NALCN: variants seen among roughly 807,000 people sequenced by gnomAD.
NALCN encodes sodium leak channel, non-selective.
A neutral mutation model predicts 225.3 loss-of-function variants in NALCN; 111 were observed. That is an observed-to-expected ratio of 0.49 (90% CI 0.42 to 0.58). The LOEUF (loss-of-function observed/expected upper bound fraction) is 0.58. Ranked by LOEUF, NALCN falls within the 20% of genes least tolerant of loss-of-function variation. The pLI is 0.00. For synonymous variants in NALCN, 764 were observed against 769.0 expected, an observed-to-expected ratio of 0.99 and a Z score of 0.11; for missense variants, 1,378 against 2,202.4, an observed-to-expected ratio of 0.63 and a Z score of 7.49.
chr13:101,350,945 C>T (rs981192635), intron 6 of NALCN, among the ~76,000 whole-genome samples: 1 of 152,140 alleles, frequency 6.6e-6, no homozygotes, highest in Non-Finnish European at 1.5e-5. Context: ...GAGCCAATTC[C>T]TTAAAGTAAA....
chr13:101,155,798 T>G (rs1224659506), intron 15 of NALCN, among the ~76,000 whole-genome samples: 3 of 152,212 alleles, frequency 2.0e-5, no homozygotes, highest in Non-Finnish European at 4.4e-5. Flanking sequence ...GAGGACACTT[T>G]GAGGCCATGC....
At chr13:101,107,853 A>G (rs1215928604) in intron 20 of NALCN, 64 bp from the exon 21 acceptor site, 1 of 1,362,870 alleles carries the variant, frequency 7.3e-7, no homozygotes, top group Non-Finnish European at 9.9e-7. Context: ...ATATATTATC[A>G]GTTAAAAAAC....
chr13:101,414,377 T>C lies in NALCN; in HGVS notation c.-40+1936A>G, dbSNP rs538130268. 2.0e-4 allele frequency among the ~76,000 whole-genome samples: 31 copies of C among 152,348 alleles called. No homozygotes were observed. The South Asian group carries it at 3.1e-3, about 15-fold the overall frequency. On this transcript the variant is annotated intron_variant, in intron 1 of 43. Coordinates refer to ENST00000251127, the MANE Select transcript of NALCN (RefSeq NM_052867.4). ...CCAGTGCTTAGCTTATCTTAGGATA[T>C]AGAGGTGTAGATGTGAATTTTCATT...
intron 7 of NALCN, among the ~76,000 whole-genome samples, chr13:101,337,698 C>T (rs1234987059): frequency 6.6e-6 from 1 of 152,186 alleles, no homozygotes; most frequent in Admixed American, 6.5e-5. Context: ...TGGCAGGTCA[C>T]TCTTTTGGAA....
chr13:101,412,318 C>T (rs1169330331), intron 1 of NALCN, among the ~76,000 whole-genome samples: 1 of 152,182 alleles, frequency 6.6e-6, no homozygotes, highest in Non-Finnish European at 1.5e-5. Context: ...TCTCTCCAAA[C>T]AACATCCTCT....
intron 11 of NALCN, among the ~76,000 whole-genome samples, chr13:101,238,149 ATGTT>A (rs959109858): frequency 1.2e-4 from 19 of 152,052 alleles, no homozygotes; most frequent in African/African-American, 3.8e-4. Context: ...ATGATTTTGA[ATGTT>A]TGTGAGTGGC....
chr13:101,211,637 C>A (rs1256451106), intron 13 of NALCN, among the ~76,000 whole-genome samples: 1 of 132,240 alleles, frequency 7.6e-6, no homozygotes, highest in Non-Finnish European at 1.6e-5. Context: ...GGGGGGGAGA[C>A]AATGACAATA....
intron 13 of NALCN, among the ~76,000 whole-genome samples, chr13:101,198,985 T>C (rs1337361446): frequency 2.0e-5 from 3 of 152,066 alleles, no homozygotes; most frequent in Non-Finnish European, 4.4e-5. Context: ...TTCATGTCCC[T>C]TGTAGGGACA....
chr13:101,303,634 G>A (rs557896665), intron 7 of NALCN, among the ~76,000 whole-genome samples: 1 of 152,258 alleles, frequency 6.6e-6, no homozygotes, highest in African/African-American at 2.4e-5. Context: ...TATGGTTCAA[G>A]TACCCATTAC....
chr13:101,083,931 TG>T, intron 30 of NALCN, 127 bp from the exon 31 acceptor site: 1 of 761,382 alleles, frequency 1.3e-6, no homozygotes, highest in South Asian at 2.7e-5. Flanking sequence ...CTTCCAACCG[TG>T]GTGGTGAGAG....
Position 101,256,765 on chromosome 13 carries a change from C to CTTT in NALCN, c.1266+1675_1266+1677dup, listed in dbSNP as rs59036479. ...TAGTATCAGTCTAGGCTTCTTTCTG[C>CTTT]TTTTTTTTTTTTTTTTGAGATGGAG... On this transcript the variant is annotated intron_variant, in intron 11 of 43. Coordinates refer to ENST00000251127, the MANE Select transcript of NALCN (RefSeq NM_052867.4). Among the ~76,000 whole-genome samples the CTTT allele has an allele frequency of 6.1e-3, 814 of 133,478 alleles. 13 individuals are homozygous for CTTT. The highest frequency in any genetic ancestry group is 0.02 in the African/African-American group (708 of 35,814). The allele number at this position is 133,478 out of a possible 152,430, so 87.6% of individuals were successfully genotyped here.
chr13:101,247,328 T>A (rs1458706122), intron 11 of NALCN, among the ~76,000 whole-genome samples: 6 of 152,162 alleles, frequency 3.9e-5, no homozygotes, highest in Non-Finnish European at 5.9e-5. Context: ...TGACAAGAAC[T>A]GTGATATCAC....
intron 6 of NALCN, among the ~76,000 whole-genome samples, chr13:101,367,097 C>A (rs1443209843): frequency 6.6e-6 from 1 of 151,924 alleles, no homozygotes; most frequent in Non-Finnish European, 1.5e-5. Flanking sequence ...TCCTGTTATT[C>A]CAAATGACAG....
At chr13:101,309,637 T>G (rs550697445) in intron 7 of NALCN, among the ~76,000 whole-genome samples, 1 of 152,340 alleles carries the variant, frequency 6.6e-6, no homozygotes, top group South Asian at 2.1e-4. Flanking sequence ...ATTCACATCA[T>G]GTAACCAAGC....
chr13:101,311,830 T>C (rs1393482937), intron 7 of NALCN, among the ~76,000 whole-genome samples: 2 of 152,058 alleles, frequency 1.3e-5, no homozygotes, highest in Non-Finnish European at 2.9e-5. Flanking sequence ...TCTTTTTTGG[T>C]TGTGTCTCTG....
intron 7 of NALCN, among the ~76,000 whole-genome samples, chr13:101,341,147 T>C (rs2045546194): frequency 6.6e-6 from 1 of 152,218 alleles, no homozygotes; most frequent in African/African-American, 2.4e-5. Flanking sequence ...CATTGTATTT[T>C]GTAAATCCTA....
At chr13:101,341,935 C>T (rs762512645) in intron 7 of NALCN, among the ~76,000 whole-genome samples, 6 of 152,206 alleles carry the variant, frequency 3.9e-5, no homozygotes, top group Non-Finnish European at 8.8e-5. Flanking sequence ...GCTTCTACTA[C>T]GTGAGGACAC....
At chr13:101,387,249 A>C (rs1566640786) in intron 3 of NALCN, among the ~76,000 whole-genome samples, 2 of 150,794 alleles carry the variant, frequency 1.3e-5, no homozygotes, top group Non-Finnish European at 1.5e-5. Flanking sequence ...AAAAAAAAAA[A>C]AAAAACAGGT....
At chr13:101,148,523 CA>C in intron 15 of NALCN, among the ~76,000 whole-genome samples, 1 of 152,300 alleles carries the variant, frequency 6.6e-6, no homozygotes, top group Admixed American at 6.5e-5. Flanking sequence ...TCCAGCTGGA[CA>C]AAAATTTTGG....
Sources: gnomAD v4.1 joint callset for allele counts (sites outside exome capture counted in the v4.1 genomes callset) on GRCh38, gnomAD v4.1.1 for gene constraint, MANE v1.5 for transcripts, NCBI Gene and HGNC (gene_info 2026-07-23, HGNC 2026-07-21) for gene names.